Variants in MACROD2 observed in about 807,000 individuals in gnomAD.
The protein encoded by MACROD2 is mono-ADP ribosylhydrolase 2, also known as ADP-ribose glycohydrolase MACROD2.
In MACROD2, 36 loss-of-function variants were observed where a neutral mutation model predicts 70.4. The observed-to-expected ratio is 0.51, with a 90% CI of 0.39 to 0.68. The LOEUF (loss-of-function observed/expected upper bound fraction) is 0.68, where lower values mean the gene tolerates loss of function less well. Among genes scored for constraint, MACROD2 ranks in the 30% least tolerant of loss-of-function variants. The pLI is 0.00. For synonymous variants in MACROD2, 172 were observed against 178.8 expected (o/e 0.96, Z 0.30); for missense variants, 496 against 538.4 (o/e 0.92, Z 0.78).
intron 3 of MACROD2, among the ~76,000 whole-genome samples, chr20:14,282,938 A>G (rs140786418): frequency 1.4e-4 from 21 of 152,294 alleles, no homozygotes; most frequent in Non-Finnish European, 2.2e-4. Flanking sequence ...TTGGGTGGGG[A>G]CAGATATTCA....
intron 8 of MACROD2, among the ~76,000 whole-genome samples, chr20:15,637,028 C>T (rs1004566423): frequency 6.6e-6 from 1 of 152,168 alleles, no homozygotes; most frequent in African/African-American, 2.4e-5. Context: ...AGGAATGCTG[C>T]AGATAAGATT....
intron 5 of MACROD2, chr20:14,894,172 T>G (rs2073798900): frequency 6.6e-6 from 1 of 152,152 alleles, no homozygotes; most frequent in Non-Finnish European, 1.5e-5. Context: ...TCTATAATAC[T>G]GATAGAATCA....
chr20:15,867,919 G>A (rs1601021015), intron 9 of MACROD2, among the ~76,000 whole-genome samples: 1 of 152,198 alleles, frequency 6.6e-6, no homozygotes, highest in African/African-American at 2.4e-5. Context: ...TGCCCTCCTG[G>A]GGACATTCTG....
chr20:15,712,776 C>A (rs1241710211), intron 8 of MACROD2, among the ~76,000 whole-genome samples: 1 of 152,176 alleles, frequency 6.6e-6, no homozygotes, highest in East Asian at 1.9e-4. Context: ...ATATACTAGC[C>A]CTTTGACAAT....
chr20:14,116,051 G>C (rs1601240814), intron 3 of MACROD2, among the ~76,000 whole-genome samples: 1 of 152,130 alleles, frequency 6.6e-6, no homozygotes, highest in Non-Finnish European at 1.5e-5. Flanking sequence ...ATCAGATGGG[G>C]CTGATTGGTG....
intron 5 of MACROD2, among the ~76,000 whole-genome samples, chr20:14,899,199 A>T (rs1239289003): frequency 6.6e-6 from 1 of 152,172 alleles, no homozygotes; most frequent in Non-Finnish European, 1.5e-5. Context: ...TTACGTCTCA[A>T]CTCATATTTT....
At chr20:14,311,247 C>T (rs895835890) in intron 3 of MACROD2, among the ~76,000 whole-genome samples, 2 of 152,128 alleles carry the variant, frequency 1.3e-5, no homozygotes, top group Non-Finnish European at 2.9e-5. Context: ...TCCTTTATGT[C>T]ATATTTTTAA....
At chr20:14,009,294 CA>C (rs1275216589) in intron 2 of MACROD2, among the ~76,000 whole-genome samples, 2 of 152,114 alleles carry the variant, frequency 1.3e-5, no homozygotes, top group African/African-American at 4.8e-5. Context: ...TAAAAATAGA[CA>C]AAGGACATGA....
At chr20:16,000,434 G>A (rs529438010) in intron 15 of MACROD2, among the ~76,000 whole-genome samples, 5 of 152,270 alleles carry the variant, frequency 3.3e-5, no homozygotes, top group South Asian at 2.1e-4. Context: ...GGGGCCCCAA[G>A]GTAGCATGTC....
At chr20:15,554,546 C>CAAAAAAAAAAAAAAAAAA (rs201068996) in intron 8 of MACROD2, among the ~76,000 whole-genome samples, 1 of 89,846 alleles carries the variant, frequency 1.1e-5, no homozygotes. Context: ...CCTATTTGGC[C>CAAAAAAAAAAAAAAAAAA]AAAAAAAAAA....
intron 8 of MACROD2, among the ~76,000 whole-genome samples, chr20:15,658,570 T>C (rs1315851184): frequency 1.3e-5 from 2 of 152,216 alleles, no homozygotes; most frequent in Admixed American, 6.5e-5. Context: ...AGGAATTGCA[T>C]GGATGACCCA....
At chr20:14,084,688 C>T (rs1292420797) in intron 2 of MACROD2, among the ~76,000 whole-genome samples, 1 of 151,978 alleles carries the variant, frequency 6.6e-6, no homozygotes, top group African/African-American at 2.4e-5. Context: ...TGCTTGCTGG[C>T]TGTTGTGTGT....
At chr20:15,260,258 T>C (rs989773988) in intron 6 of MACROD2, among the ~76,000 whole-genome samples, 3 of 151,558 alleles carry the variant, frequency 2.0e-5, no homozygotes, top group African/African-American at 7.3e-5. Flanking sequence ...TTTGTGCCCA[T>C]TAACCATTCC....
intron 2 of MACROD2, chr20:14,003,688 T>C: frequency 2.1e-6 from 1 of 481,688 alleles, no homozygotes; most frequent in Non-Finnish European, 4.2e-6. Flanking sequence ...CCCTAGCCAG[T>C]CCCCACAGTG....
At chr20:14,959,279 G>A (rs2074563277) in intron 5 of MACROD2, among the ~76,000 whole-genome samples, 1 of 152,070 alleles carries the variant, frequency 6.6e-6, no homozygotes, top group African/African-American at 2.4e-5. Context: ...TTACAGGCAT[G>A]TGCCACCATG....
intron 5 of MACROD2, among the ~76,000 whole-genome samples, chr20:14,723,494 A>AT (rs1419362138): frequency 1.2e-4 from 18 of 148,692 alleles, no homozygotes; most frequent in Non-Finnish European, 1.0e-4. Flanking sequence ...AAGATTTGGT[A>AT]TTTTTTTTAT....
chr20:15,349,242 C>CT (rs1224339173), intron 6 of MACROD2, among the ~76,000 whole-genome samples: 1 of 152,080 alleles, frequency 6.6e-6, no homozygotes, highest in Non-Finnish European at 1.5e-5. Flanking sequence ...AAATCATAAT[C>CT]TTTTTTCAGT....
intron 5 of MACROD2, among the ~76,000 whole-genome samples, chr20:15,076,989 A>G (rs989347279): frequency 6.6e-6 from 1 of 152,182 alleles, no homozygotes; most frequent in Non-Finnish European, 1.5e-5. Context: ...AGGTTTTGGC[A>G]TTTTAACAAT....
intron 15 of MACROD2, among the ~76,000 whole-genome samples, chr20:16,005,292 A>G (rs763116865): frequency 1.3e-5 from 2 of 152,204 alleles, no homozygotes; most frequent in African/African-American, 4.8e-5. Flanking sequence ...GTCTTCCAAG[A>G]TCTAACATTT....
Sources: gnomAD v4.1 joint callset for allele counts (sites outside exome capture counted in the v4.1 genomes callset) on GRCh38, gnomAD v4.1.1 for gene constraint, MANE v1.5 for transcripts, NCBI Gene and HGNC (gene_info 2026-07-23, HGNC 2026-07-21) for gene names.